The following SPMIP11 variants were observed in gnomAD, a reference collection of about 807,000 sequenced individuals.
SPMIP11 encodes the protein sperm microtubule inner protein 11.
chr12:48,770,629 T>G, the SPMIP11 span: 1 of 806,046 alleles, frequency 1.2e-6, no homozygotes, highest in Non-Finnish European at 2.0e-6. Context: ...AATATCAGAC[T>G]TGATATAGGA....
the SPMIP11 span, among the ~76,000 whole-genome samples, chr12:48,732,315 A>G: frequency 2.6e-3 from 396 of 152,210 alleles, 4 homozygotes; most frequent in African/African-American, 9.0e-3. Context: ...CACTAATCCC[A>G]TCCTTCTGAG....
At chr12:48,768,735 A>T in the SPMIP11 span, 1 of 1,612,028 alleles carries the variant, frequency 6.2e-7, no homozygotes, top group Non-Finnish European at 8.5e-7. Context: ...GTGGGAGGGG[A>T]GCCCGCTTAG....
chr12:48,747,809 A>G, the SPMIP11 span, among the ~76,000 whole-genome samples: 1 of 152,334 alleles, frequency 6.6e-6, no homozygotes, highest in South Asian at 2.1e-4. Flanking sequence ...CTGTGCTCAC[A>G]TGGCCAAGCT....
chr12:48,755,498 C>T, the SPMIP11 span, among the ~76,000 whole-genome samples: 7 of 152,162 alleles, frequency 4.6e-5, no homozygotes, highest in Non-Finnish European at 8.8e-5. Context: ...CCAAGCCCTT[C>T]GCCCTTCACC....
At chr12:48,765,199 T>C in the SPMIP11 span, among the ~76,000 whole-genome samples, 1 of 152,214 alleles carries the variant, frequency 6.6e-6, no homozygotes, top group Non-Finnish European at 1.5e-5. Context: ...TTCCTCTTTG[T>C]GGGTGTGACT....
At chr12:48,744,546 C>T in the SPMIP11 span, among the ~76,000 whole-genome samples, 2 of 151,998 alleles carry the variant, frequency 1.3e-5, no homozygotes, top group South Asian at 4.1e-4. Flanking sequence ...CCAGCCTGGC[C>T]AACATTGTGA....
chr12:48,739,570 C>T, the SPMIP11 span, among the ~76,000 whole-genome samples: 42 of 151,952 alleles, frequency 2.8e-4, no homozygotes, highest in Non-Finnish European at 4.3e-4. Flanking sequence ...CTGTACAGGA[C>T]GCATAGCCGG....
At chr12:48,740,065 G>A in the SPMIP11 span, among the ~76,000 whole-genome samples, 106 of 152,184 alleles carry the variant, frequency 7.0e-4, no homozygotes, top group African/African-American at 2.5e-3. Flanking sequence ...TGCCCTTGAA[G>A]GTTAATATCA....
At chr12:48,727,785 C>T in the SPMIP11 span, among the ~76,000 whole-genome samples, 1 of 152,152 alleles carries the variant, frequency 6.6e-6, no homozygotes, top group Admixed American at 6.6e-5. Context: ...GGTGCAGTAG[C>T]TCACATGCAA....
the SPMIP11 span, among the ~76,000 whole-genome samples, chr12:48,753,048 C>A: frequency 6.6e-6 from 1 of 152,066 alleles, no homozygotes; most frequent in African/African-American, 2.4e-5. Context: ...TAGACAAATT[C>A]CCTCTAATCT....
chr12:48,762,221 G>A, the SPMIP11 span, among the ~76,000 whole-genome samples: 408 of 148,762 alleles, frequency 2.7e-3, 1 homozygote, highest in African/African-American at 9.9e-3. Flanking sequence ...ACCATGCCCG[G>A]CTAATTTTTT....
the SPMIP11 span, among the ~76,000 whole-genome samples, chr12:48,753,795 C>G: frequency 1.4e-3 from 211 of 151,490 alleles, no homozygotes; most frequent in African/African-American, 5.0e-3. Context: ...TCTGCCCCCC[C>G]GGGTTCAAGT....
the SPMIP11 span, chr12:48,770,954 C>A: frequency 6.2e-7 from 1 of 1,614,028 alleles, no homozygotes; most frequent in Non-Finnish European, 8.5e-7. Context: ...CTGCCGGAAC[C>A]GCTCCTCGCT....
At chr12:48,743,944 A>G in the SPMIP11 span, among the ~76,000 whole-genome samples, 1 of 148,292 alleles carries the variant, frequency 6.7e-6, no homozygotes, top group East Asian at 2.0e-4. Flanking sequence ...AAAAAAAAAA[A>G]AAAAAAAAAA....
the SPMIP11 span, among the ~76,000 whole-genome samples, chr12:48,748,061 C>T: frequency 6.6e-6 from 1 of 152,166 alleles, no homozygotes; most frequent in African/African-American, 2.4e-5. Context: ...ACATCTCCCT[C>T]CTTGAATCTC....
chr12:48,759,192 G>C, the SPMIP11 span: 28 of 702,488 alleles, frequency 4.0e-5, no homozygotes, highest in Non-Finnish European at 6.8e-5. Context: ...CTCAGAACGA[G>C]TCTACTCTAA....
At chr12:48,756,775 T>TTC in the SPMIP11 span, among the ~76,000 whole-genome samples, 4 of 78,550 alleles carry the variant, frequency 5.1e-5, no homozygotes, top group Non-Finnish European at 8.9e-5. Context: ...TTTTTTCTTT[T>TTC]TTTCTTTTTT....
chr12:48,734,739 C>T, the SPMIP11 span, among the ~76,000 whole-genome samples: 343 of 152,152 alleles, frequency 2.3e-3, no homozygotes, highest in Admixed American at 6.4e-3. Flanking sequence ...CAGTGGCTCA[C>T]GCCTGTAATC....
the SPMIP11 span, chr12:48,766,677 C>T: frequency 6.5e-6 from 1 of 152,750 alleles, no homozygotes; most frequent in Non-Finnish European, 1.5e-5. Context: ...GAGGCATTAC[C>T]CAGAAACCAG....
Sources: gnomAD v4.1 joint callset for allele counts (sites outside exome capture counted in the v4.1 genomes callset) on GRCh38, gnomAD v4.1.1 for gene constraint, MANE v1.5 for transcripts, NCBI Gene and HGNC (gene_info 2026-07-23, HGNC 2026-07-21) for gene names.